PCDHGB7: variants seen among roughly 807,000 people sequenced by gnomAD.
PCDHGB7 encodes the protein protocadherin gamma-B7.
In PCDHGB7, 37 loss-of-function variants were observed where a neutral mutation model predicts 61.4. The observed-to-expected ratio is 0.60, with a 90% confidence interval of 0.46 to 0.79. PCDHGB7 has a LOEUF of 0.79. Ranked by LOEUF, PCDHGB7 falls within the 30% of genes least tolerant of loss-of-function variation. PCDHGB7 has a pLI of 0.00. For synonymous variants in PCDHGB7, 464 were observed against 503.5 expected, an observed-to-expected ratio of 0.92 and a Z score of 1.05; for missense variants, 1,166 against 1,202.5, an observed-to-expected ratio of 0.97 and a Z score of 0.45.
intron 1 of PCDHGB7, among the ~76,000 whole-genome samples, chr5:141,459,831 G>T (rs907978430): frequency 1.3e-5 from 2 of 152,150 alleles, no homozygotes; most frequent in Non-Finnish European, 2.9e-5. Context: ...CTTTTCATGT[G>T]TTGTCTATTT....
chr5:141,487,100 C>A lies in PCDHGB7; in HGVS notation c.2416-7707C>A. ...CCCAGCTGACCTCCCACCACAGAAGCTGGTCATTGTGGTAAAGGATAGTGG... is the reference window on the plus strand; with the variant it reads ...CCCAGCTGACCTCCCACCACAGAAGATGGTCATTGTGGTAAAGGATAGTGG... On this transcript the variant is annotated intron_variant, in intron 1 of 3. Coordinates refer to ENST00000398594, the MANE Select transcript of PCDHGB7 (RefSeq NM_018927.4). This position sits in a 1 kb window ranked among gnomAD's most constrained non-coding sequence, Gnocchi z 5.0. The A allele has an allele frequency of 1.2e-6, 2 of 1,614,076 alleles. No homozygotes were observed. The highest frequency in any genetic ancestry group is 1.7e-6 in the Non-Finnish European group (2 of 1,179,960).
Position 141,486,880 on chromosome 5 carries a change from G to T in PCDHGB7, c.2416-7927G>T. On this transcript the variant is annotated intron_variant, in intron 1 of 3. Transcript: ENST00000398594. The surrounding 1 kb of genome is among the most constrained non-coding windows in gnomAD (Gnocchi z 5.0). The stretch of plus-strand genomic sequence containing the variant: ...ATGCTCCAGCTGTGCTCCGTCCTCG[G>T]GCCCGGCCTGGTTCCTTATGTCCCC... The T allele has an allele frequency of 6.2e-7, 1 of 1,614,212 alleles. No homozygotes were observed. Among genetic ancestry groups the T allele is most frequent in the East Asian group, 2.2e-5 (1 of 44,882 alleles).
chr5:141,477,295 G>A lies in PCDHGB7; in HGVS notation c.2416-17512G>A, dbSNP rs1207558247. On this transcript the variant is annotated intron_variant, in intron 1 of 3. Transcript: ENST00000398594. This position sits in a 1 kb window ranked among gnomAD's most constrained non-coding sequence, Gnocchi z 4.9. ...GGCTGGTGACCTGCGAAGTTCCACC[G>A]GGTCTCCCTTTCAGCCTTACTTCTT... is the stretch of plus-strand genomic sequence containing the variant. The A allele has an allele frequency of 8.1e-6, 13 of 1,613,990 alleles. No homozygotes were observed. Among genetic ancestry groups the A allele is most frequent in the Admixed American group, 3.3e-5 (2 of 59,990 alleles).
chr5:141,439,297 G>T (rs1252051365), intron 1 of PCDHGB7, among the ~76,000 whole-genome samples: 1 of 152,064 alleles, frequency 6.6e-6, no homozygotes, highest in African/African-American at 2.4e-5. Context: ...CATGGAAAAA[G>T]TAAAGCCCAG....
chr5:141,500,175 CA>C (rs762724660), intron 2 of PCDHGB7, among the ~76,000 whole-genome samples: 15 of 147,258 alleles, frequency 1.0e-4, no homozygotes, highest in Non-Finnish European at 1.5e-4. Flanking sequence ...GCATGAGCTT[CA>C]TTTTTATTTT....
At chr5:141,460,159 T>A (rs1313260289) in intron 1 of PCDHGB7, among the ~76,000 whole-genome samples, 3 of 152,260 alleles carry the variant, frequency 2.0e-5, no homozygotes, top group Non-Finnish European at 1.5e-5. Context: ...CTTTGTCACA[T>A]ACATATTTTG....
intron 1 of PCDHGB7, among the ~76,000 whole-genome samples, chr5:141,479,041 C>T (rs1346986831): frequency 1.2e-4 from 18 of 152,100 alleles, no homozygotes; most frequent in Admixed American, 1.2e-3. Flanking sequence ...AGATCGTGTA[C>T]CTCATTCTCA....
At chr5:141,504,302 C>T (rs969760258) in intron 2 of PCDHGB7, among the ~76,000 whole-genome samples, 9 of 152,004 alleles carry the variant, frequency 5.9e-5, no homozygotes, top group African/African-American at 1.5e-4. Context: ...TTTCAACACT[C>T]GGAGTTTCTA....
chr5:141,473,029 G>A (rs62379204), intron 1 of PCDHGB7, among the ~76,000 whole-genome samples: 15,982 of 147,800 alleles, frequency 0.11, 873 homozygotes, highest in South Asian at 0.15. Flanking sequence ...AAGGAAGGAA[G>A]GAAGGAAAGA....
chr5:141,506,459 A>G (rs1159808052), intron 3 of PCDHGB7, among the ~76,000 whole-genome samples: 4 of 151,918 alleles, frequency 2.6e-5, no homozygotes, highest in Non-Finnish European at 4.4e-5. Context: ...AAAAAAAAAA[A>G]AAAAAAGAGC....
rs752155536 is a variant in PCDHGB7, at chr5:141,477,181, C to T, written c.2416-17626C>T. The T allele has an allele frequency of 2.5e-6, 4 of 1,614,182 alleles. No individual in the cohort carries two copies. In the Admixed American group the frequency reaches 6.7e-5, roughly 27 times the overall value. ...ACAACGCCCCGGAGATCACAGTCACCTCCGTGTACAGCCCAGTACCCGAGG... is the reference window on the plus strand; with the variant it reads ...ACAACGCCCCGGAGATCACAGTCACTTCCGTGTACAGCCCAGTACCCGAGG... On this transcript the variant is annotated intron_variant, in intron 1 of 3. Transcript: ENST00000398594. This position sits in a 1 kb window ranked among gnomAD's most constrained non-coding sequence, Gnocchi z 4.9.
At chr5:141,478,870 G>A (rs1463992722) in intron 1 of PCDHGB7, 6 of 1,273,242 alleles carry the variant, frequency 4.7e-6, no homozygotes, top group Non-Finnish European at 5.2e-6. Flanking sequence ...AGCGATCAGA[G>A]TTTAGCTTGG....
At chr5:141,427,951 A>G in intron 1 of PCDHGB7, 1 of 1,586,612 alleles carries the variant, frequency 6.3e-7, no homozygotes, top group Non-Finnish European at 8.6e-7. Flanking sequence ...CTCAATGACA[A>G]TGTGCCGCGG....
chr5:141,487,709 A>G lies in PCDHGB7; in HGVS notation c.2416-7098A>G. On this transcript the variant is annotated intron_variant, in intron 1 of 3. Coordinates refer to ENST00000398594, the MANE Select transcript of PCDHGB7 (RefSeq NM_018927.4). This position sits in a 1 kb window ranked among gnomAD's most constrained non-coding sequence, Gnocchi z 5.0. ...CCTAGAGAGTACTGGCCTCTCAGTA[A>G]GTGCCCATAGTGATGTCACCATTTT... is the stretch of plus-strand genomic sequence containing the variant. 6.3e-7 allele frequency: 1 copy of G among 1,586,184 alleles called. No individual in the cohort carries two copies. Among genetic ancestry groups the G allele is most frequent in the South Asian group, 1.1e-5 (1 of 87,958 alleles).
At position 141,491,070 on chromosome 5, in the gene PCDHGB7, G is replaced by T. The variant is rs1405880268; in HGVS notation, c.2416-3737G>T. On this transcript the variant is annotated intron_variant, in intron 1 of 3. Transcript: ENST00000398594. The surrounding 1 kb of genome is among the most constrained non-coding windows in gnomAD (Gnocchi z 6.9). ...ATGCGTGGCTCTCCTACTCACTGTTGCCACAGTCCACAGCCCCAGGACTGT... is the reference window on the plus strand; with the variant it reads ...ATGCGTGGCTCTCCTACTCACTGTTTCCACAGTCCACAGCCCCAGGACTGT... 6.2e-7 allele frequency: 1 copy of T among 1,614,162 alleles called. No homozygotes were observed. Among genetic ancestry groups the T allele is most frequent in the Non-Finnish European group, 8.5e-7 (1 of 1,180,038 alleles).
chr5:141,482,530 CA>C (rs3074545), intron 1 of PCDHGB7, among the ~76,000 whole-genome samples: 1,133 of 76,538 alleles, frequency 0.015, 6 homozygotes, highest in Admixed American at 0.025. Flanking sequence ...GACAGACATG[CA>C]AAAAAAAAAA....
At position 141,419,427 on chromosome 5, in the gene PCDHGB7, A is replaced by C; in HGVS notation, c.1568A>C (p.Glu523Ala). ...VVFAQRAFDH[E>A]QLRTFELTLQ... Reference sequence around the variant, plus strand: ...TTCGCGCAGCGCGCCTTCGACCACGAGCAGCTGCGCACCTTCGAGCTCACG... The same window carrying C: ...TTCGCGCAGCGCGCCTTCGACCACGCGCAGCTGCGCACCTTCGAGCTCACG... The change falls in exon 1 of 4, where the codon GAG becomes GCG. Residue 523 changes from glutamate (E) to alanine (A), a missense_variant. By Grantham distance (107) the Glu-to-Ala change is moderately radical. Transcript: ENST00000398594. 2 of 1,613,290 alleles carry C rather than the reference A, an allele frequency of 1.2e-6. No homozygotes were observed. The highest frequency in any genetic ancestry group is 1.7e-6 in the Non-Finnish European group (2 of 1,179,832).
At position 141,481,880 on chromosome 5, in the gene PCDHGB7, C is replaced by T. The variant is rs555652518; in HGVS notation, c.2416-12927C>T. Among the ~76,000 whole-genome samples, 5 of 145,406 alleles carry T rather than the reference C, an allele frequency of 3.4e-5. No individual in the cohort carries two copies. The East Asian group carries it at 1.0e-3, about 29-fold the overall frequency. On this transcript the variant is annotated intron_variant, in intron 1 of 3. Transcript: ENST00000398594. ...AGTGAGCCGAGATCGCGCCACTGCA[C>T]TCCAGCCTGGGTGAAAGAGCGAAAC...
chr5:141,449,681 G>A (rs2098651836), intron 1 of PCDHGB7, among the ~76,000 whole-genome samples: 1 of 149,394 alleles, frequency 6.7e-6, no homozygotes, highest in Non-Finnish European at 1.5e-5. Context: ...ATGTATATAT[G>A]TTTGTGTGTA....
Sources: allele counts gnomAD v4.1 joint callset (sites outside exome capture counted in the v4.1 genomes callset), GRCh38; gene constraint gnomAD v4.1.1; non-coding constraint Gnocchi (gnomAD v3.1); transcripts MANE v1.5; gene names NCBI Gene and HGNC (gene_info 2026-07-23, HGNC 2026-07-21).